TNFRSF8: variants seen among roughly 807,000 people sequenced by gnomAD.
TNFRSF8 encodes TNF receptor superfamily member 8.
Under a neutral mutation model 70.8 loss-of-function variants are expected in TNFRSF8, and 26 were observed. The ratio of observed to expected loss-of-function variants is 0.37; its 90% CI spans 0.27 to 0.51. The LOEUF (loss-of-function observed/expected upper bound fraction) is 0.51. Among genes scored for constraint, TNFRSF8 ranks in the 20% least tolerant of loss-of-function variants. The pLI is 0.94. For synonymous variants in TNFRSF8, 356 were observed against 339.2 expected, an observed-to-expected ratio of 1.05 and a Z score of -0.54; for missense variants, 720 against 807.9, an observed-to-expected ratio of 0.89 and a Z score of 1.32.
chr1:12,115,463 T>C, intron 7 of TNFRSF8, 114 bp from the exon 8 acceptor site: 1 of 1,177,572 alleles, frequency 8.5e-7, no homozygotes, highest in Non-Finnish European at 1.3e-6. Flanking sequence ...CGAGCATTTA[T>C]TTTCTTGTTG....
chr1:12,137,991 C>T (rs911046631), intron 13 of TNFRSF8, among the ~76,000 whole-genome samples: 4 of 152,128 alleles, frequency 2.6e-5, no homozygotes, highest in Admixed American at 6.5e-5. Context: ...ACAGGGCCAA[C>T]GGACGTGGCG....
At chr1:12,102,203 G>A (rs867855243) in intron 3 of TNFRSF8, among the ~76,000 whole-genome samples, 20 of 152,256 alleles carry the variant, frequency 1.3e-4, no homozygotes, top group Middle Eastern at 3.4e-3. Flanking sequence ...TCATGATGCC[G>A]GTGGTCTGCG....
intron 3 of TNFRSF8, among the ~76,000 whole-genome samples, chr1:12,100,573 T>C (rs1231525932): frequency 6.6e-6 from 1 of 152,106 alleles, no homozygotes; most frequent in Non-Finnish European, 1.5e-5. Context: ...TTTTAACATT[T>C]TTAAATTAAA....
chr1:12,078,076 G>C (rs1384270923), intron 1 of TNFRSF8: 1 of 152,286 alleles, frequency 6.6e-6, no homozygotes, highest in Non-Finnish European at 1.5e-5. Context: ...GTTTTCAAAA[G>C]ATCAGTCTGG....
chr1:12,082,064 C>T (rs115056802), intron 1 of TNFRSF8, among the ~76,000 whole-genome samples: 12 of 152,100 alleles, frequency 7.9e-5, no homozygotes, highest in South Asian at 2.1e-4. Flanking sequence ...CCCTTTTGCT[C>T]CACCCTAGAA....
chr1:12,137,823 G>A (rs11569936), intron 13 of TNFRSF8, among the ~76,000 whole-genome samples: 156 of 152,106 alleles, frequency 1.0e-3, no homozygotes, highest in African/African-American at 3.7e-3. Context: ...CCAGATGCCA[G>A]GGTTCAAATC....
At chr1:12,136,000 CT>C (rs1299624175) in intron 13 of TNFRSF8, among the ~76,000 whole-genome samples, 1 of 152,082 alleles carries the variant, frequency 6.6e-6, no homozygotes, top group Non-Finnish European at 1.5e-5. Context: ...TCATTTTCCC[CT>C]TTTCTTTACT....
At chr1:12,104,233 C>T (rs1180266520) in intron 3 of TNFRSF8, 146 bp from the exon 4 acceptor site, 8 of 731,910 alleles carry the variant, frequency 1.1e-5, no homozygotes, top group East Asian at 2.8e-5. Flanking sequence ...AATTTTTAAT[C>T]CAATTTTAGT....
At position 12,104,500 on chromosome 1, in the gene TNFRSF8, C is replaced by T. The variant is rs1641483441; in HGVS notation, c.390C>T (p.Val130=). 2 of 1,614,234 alleles carry T rather than the reference C, an allele frequency of 1.2e-6. No individual in the cohort carries two copies. Among genetic ancestry groups the T allele is most frequent in the South Asian group, 2.2e-5 (2 of 91,076 alleles). The change falls in exon 4 of 15, where the codon GTC becomes GTT. Residue 130 remains valine, a synonymous_variant. Transcript: ENST00000263932. ...NSCARCFFHS[V]CPAGMIVKFP... The stretch of plus-strand genomic sequence containing the variant: ...GTGCCCGCTGCTTCTTCCATTCTGT[C>T]TGTCCGGCAGGGATGATTGTCAAGT...
intron 10 of TNFRSF8, 43 bp downstream of exon 10, chr1:12,123,870 T>C (rs954572913): frequency 6.8e-7 from 1 of 1,479,752 alleles, no homozygotes; most frequent in Non-Finnish European, 9.2e-7. Flanking sequence ...AGCAGGGGCT[T>C]CCTCCTGGGG....
chr1:12,115,574 T>C lies in TNFRSF8; in HGVS notation c.794-3T>C, dbSNP rs750121000. ...CTCCGTGATCCTCATCTGTGTCCCT[T>C]AGATGACCTTGTGGAGAAGACGCCA... On this transcript the variant is annotated splice_polypyrimidine_tract_variant and splice_region_variant and intron_variant, in intron 7 of 14. Transcript: ENST00000263932. 4.8e-5 allele frequency: 77 copies of C among 1,614,020 alleles called. No homozygotes were observed. Among genetic ancestry groups the C allele is most frequent in the Non-Finnish European group, 6.3e-5 (74 of 1,180,012 alleles).
In TNFRSF8 at chr1:12,063,342, G is replaced by A. The variant is rs1640679516; in HGVS notation, c.-257G>A. On this transcript the variant is annotated 5_prime_UTR_variant, in exon 1 of 15. Coordinates refer to ENST00000263932, the MANE Select transcript of TNFRSF8 (RefSeq NM_001243.5). This position sits in a 1 kb window ranked among gnomAD's most constrained non-coding sequence, Gnocchi z 7.2. Reference sequence around the variant, plus strand: ...CACGTGTTTGCCCCCTTTTTTCTTCGCTGCTTGTAGCTAAGTGTTCCTGGA... The same window carrying A: ...CACGTGTTTGCCCCCTTTTTTCTTCACTGCTTGTAGCTAAGTGTTCCTGGA... 2.6e-6 allele frequency: 1 copy of A among 381,936 alleles called. No homozygotes were observed. The highest frequency in any genetic ancestry group is 4.5e-5 in the Admixed American group (1 of 22,112). The allele number at this position is 381,936 out of a possible 1,614,324, so 23.7% of individuals were successfully genotyped here. A position where few individuals can be genotyped will look rare whatever the true frequency, so the allele number is the denominator to read the frequency against.
chr1:12,120,053 C>A (rs1333618535), intron 8 of TNFRSF8, among the ~76,000 whole-genome samples: 1 of 151,996 alleles, frequency 6.6e-6, no homozygotes, highest in Non-Finnish European at 1.5e-5. Flanking sequence ...TAGAATTTAC[C>A]CAGCTAAATT....
At chr1:12,101,596 A>G (rs1641423847) in intron 3 of TNFRSF8, among the ~76,000 whole-genome samples, 1 of 152,228 alleles carries the variant, frequency 6.6e-6, no homozygotes, top group Non-Finnish European at 1.5e-5. Flanking sequence ...CTCCACAAAC[A>G]TGGGAGTAAC....
intron 12 of TNFRSF8, among the ~76,000 whole-genome samples, chr1:12,132,375 T>C (rs1642064090): frequency 6.6e-6 from 1 of 152,246 alleles, no homozygotes; most frequent in Non-Finnish European, 1.5e-5. Context: ...GTTTCTCAGA[T>C]CTTGTTTCTC....
chr1:12,132,980 A>T (rs1057193031), intron 12 of TNFRSF8, among the ~76,000 whole-genome samples: 1 of 151,958 alleles, frequency 6.6e-6, no homozygotes, highest in Admixed American at 6.6e-5. Context: ...AGGCTCGGAG[A>T]AGGGAAGTAA....
intron 1 of TNFRSF8, among the ~76,000 whole-genome samples, chr1:12,079,331 C>A (rs1426025101): frequency 6.6e-6 from 1 of 152,168 alleles, no homozygotes; most frequent in East Asian, 1.9e-4. Flanking sequence ...CTTGTGGACA[C>A]CTCACTTTGC....
chr1:12,082,025 C>T (rs570777354), intron 1 of TNFRSF8, among the ~76,000 whole-genome samples: 1 of 121,950 alleles, frequency 8.2e-6, no homozygotes, highest in South Asian at 2.4e-4. Context: ...CTTCCCTTCT[C>T]TTGCCTCCCT....
At chr1:12,103,681 C>A (rs912549281) in intron 3 of TNFRSF8, among the ~76,000 whole-genome samples, 3 of 151,958 alleles carry the variant, frequency 2.0e-5, no homozygotes, top group Admixed American at 2.0e-4. Flanking sequence ...ACCATGTTGC[C>A]CATGTTTTAT....
Sources: gnomAD v4.1 joint callset for allele counts (sites outside exome capture counted in the v4.1 genomes callset) on GRCh38, gnomAD v4.1.1 for gene constraint, Gnocchi (gnomAD v3.1) non-coding constraint, MANE v1.5 for transcripts, NCBI Gene and HGNC (gene_info 2026-07-23, HGNC 2026-07-21) for gene names.